The following ALG9 variants were observed in gnomAD, a reference collection of about 807,000 sequenced individuals.
The protein encoded by ALG9 is ALG9 alpha-1,2-mannosyltransferase, also known as alpha-1,2-mannosyltransferase ALG9.
ALG9 carries 55 observed loss-of-function variants against 81.8 expected under a neutral mutation model. The ratio of observed to expected loss-of-function variants is 0.67; its 90% CI spans 0.54 to 0.84. ALG9 has a LOEUF of 0.84. Ranked by LOEUF, ALG9 falls within the 40% of genes least tolerant of loss-of-function variation. The pLI, the probability that ALG9 is intolerant of heterozygous loss-of-function variation, is 0.00. For synonymous variants in ALG9, 278 were observed against 274.3 expected, an observed-to-expected ratio of 1.01 and a Z score of -0.13; for missense variants, 629 against 745.0, an observed-to-expected ratio of 0.84 and a Z score of 1.81.
intron 14 of ALG9, among the ~76,000 whole-genome samples, chr11:111,797,196 C>A (rs979124471): frequency 2.6e-5 from 4 of 152,244 alleles, no homozygotes; most frequent in Non-Finnish European, 5.9e-5. Context: ...AGCTATTCAA[C>A]TGGCTTGCTG....
chr11:111,838,189 A>T (rs1482868816), intron 11 of ALG9, 60 bp downstream of exon 11: 5 of 1,596,740 alleles, frequency 3.1e-6, no homozygotes, highest in Non-Finnish European at 4.3e-6. Context: ...TCATGAATCA[A>T]GTAAAACCTA....
chr11:111,849,205 C>T (rs372518381), intron 8 of ALG9, among the ~76,000 whole-genome samples: 8 of 152,208 alleles, frequency 5.3e-5, no homozygotes, highest in African/African-American at 1.9e-4. Context: ...CATGCACCAC[C>T]ACGCCCAGCT....
At chr11:111,808,887 G>C (rs899206289) in intron 14 of ALG9, among the ~76,000 whole-genome samples, 6 of 152,130 alleles carry the variant, frequency 3.9e-5, no homozygotes, top group African/African-American at 1.4e-4. Context: ...TTAATTCTGA[G>C]ACCTTTCTGA....
chr11:111,845,949 A>G (rs142187686), intron 8 of ALG9, among the ~76,000 whole-genome samples: 7 of 152,330 alleles, frequency 4.6e-5, no homozygotes, highest in African/African-American at 9.6e-5. Flanking sequence ...CTTTGGGGGA[A>G]GCTCACTCCT....
rs782410562 is a variant in ALG9 at position 111,857,603 on chromosome 11, C to T, written c.700G>A (p.Gly234Ser). The T allele has an allele frequency of 1.2e-6, 2 of 1,614,066 alleles. No individual in the cohort carries two copies. The highest frequency in any genetic ancestry group is 4.5e-5 in the East Asian group (2 of 44,876). The part of the protein sequence containing the change: ...ILGWPFSAAL[G>S]LPIAFDLLVM... The stretch of plus-strand genomic sequence containing the variant: ...GGAGGAGAACTGTTAGTTTCTTACC[C>T]AAGAGCTGCACTGAATGGCCAGCCT... The change falls in exon 6 of 15, where the codon GGT (glycine) becomes AGT (serine). Residue 234 changes from glycine (G) to serine (S), a missense_variant and splice_region_variant. Gly to Ser is a moderately conservative substitution (Grantham distance 56). Around this residue, in one of 3 missense-constraint regions of ALG9, gnomAD observed 344 missense variants for 390.5 expected, o/e 0.88. Transcript: ENST00000616540.
chr11:111,870,599 G>A (rs1172324916), intron 1 of ALG9, among the ~76,000 whole-genome samples: 1 of 152,060 alleles, frequency 6.6e-6, no homozygotes, highest in Non-Finnish European at 1.5e-5. Context: ...ATGTTGCCCA[G>A]GCTGGACTTA....
At chr11:111,775,875 G>C in the ALG9 span, among the ~76,000 whole-genome samples, 4 of 152,184 alleles carry the variant, frequency 2.6e-5, no homozygotes, top group Non-Finnish European at 4.4e-5. Context: ...GGTTAAAAGA[G>C]CGGCTCAGGC....
chr11:111,780,946 T>C (rs1945899487), downstream of ALG9, among the ~76,000 whole-genome samples: 1 of 152,158 alleles, frequency 6.6e-6, no homozygotes, highest in African/African-American at 2.4e-5. Flanking sequence ...ATGCCATTAT[T>C]AAGGACACTG....
At chr11:111,777,130 GCTGCTTCCTC>G in the ALG9 span, among the ~76,000 whole-genome samples, 5,428 of 152,196 alleles carry the variant, frequency 0.036, 300 homozygotes, top group African/African-American at 0.12. Context: ...ACTAAGAGTA[GCTGCTTCCTC>G]CTCCCAACTA....
At position 111,853,595 on chromosome 11, in the gene ALG9, C is replaced by G; in HGVS notation, c.789+54G>C. 5 of 1,582,402 alleles carry G rather than the reference C, an allele frequency of 3.2e-6. No homozygotes were observed. The South Asian group carries it at 5.5e-5, about 18-fold the overall frequency. On this transcript the variant is annotated intron_variant, in intron 7 of 14. Coordinates refer to ENST00000616540, the MANE Select transcript of ALG9 (RefSeq NM_024740.2). The stretch of plus-strand genomic sequence containing the variant: ...ACTCCTGATGTTCCTTTTTTCACAT[C>G]AAAGTTGCTTTCATTACAACTTTAG...
At chr11:111,870,780 G>A (rs1555157855) in intron 1 of ALG9, 1 of 1,008,078 alleles carries the variant, frequency 9.9e-7, no homozygotes, top group Non-Finnish European at 1.2e-6. Context: ...CTCACTTGAA[G>A]GCCACAAAGC....
At chr11:111,839,356 C>T (rs12293964) in intron 10 of ALG9, among the ~76,000 whole-genome samples, 4,087 of 151,972 alleles carry the variant, frequency 0.027, 186 homozygotes, top group African/African-American at 0.094. Context: ...GAGGCCGAGA[C>T]GGGAGGATCA....
chr11:111,826,398 A>T (rs1164345554), intron 13 of ALG9, among the ~76,000 whole-genome samples: 1 of 151,816 alleles, frequency 6.6e-6, no homozygotes, highest in South Asian at 2.1e-4. Flanking sequence ...GTTTAAAAAA[A>T]AAAAACAAAA....
intron 13 of ALG9, among the ~76,000 whole-genome samples, chr11:111,832,508 ATCC>A (rs1954554006): frequency 6.6e-6 from 1 of 152,102 alleles, no homozygotes; most frequent in Non-Finnish European, 1.5e-5. Context: ...GCCTCAAGCT[ATCC>A]TCCTGCCTCA....
rs7942565 is a variant in ALG9, at chr11:111,836,731, T to C, written c.1473-437A>G. 1,067 of 190,682 alleles carry C rather than the reference T, an allele frequency of 5.6e-3. 11 individuals are homozygous for C. The highest frequency in any genetic ancestry group is 0.023 in the African/African-American group (984 of 42,100). 11.8% of individuals were successfully genotyped at this position (190,682 alleles called of 1,614,324 possible). A position where few individuals can be genotyped will look rare whatever the true frequency, so the allele number is the denominator to read the frequency against. On this transcript the variant is annotated intron_variant, in intron 12 of 14. Transcript: ENST00000616540. ...TAACCCTCAAACATATCTTTATCTATAAAACTATTTCAAACGTAAAAGGCA... is the reference window on the plus strand; with the variant it reads ...TAACCCTCAAACATATCTTTATCTACAAAACTATTTCAAACGTAAAAGGCA...
intron 5 of ALG9, among the ~76,000 whole-genome samples, chr11:111,858,529 C>T (rs1199593290): frequency 6.6e-6 from 1 of 152,204 alleles, no homozygotes; most frequent in Non-Finnish European, 1.5e-5. Context: ...GGCAGCAATG[C>T]TTTGCACTCT....
Position 111,786,333 on chromosome 11 carries a change from G to A in ALG9, c.*64C>T, listed in dbSNP as rs782202635. 54 of 1,607,240 alleles carry A rather than the reference G, an allele frequency of 3.4e-5. No individual in the cohort carries two copies. Among genetic ancestry groups the A allele is most frequent in the Non-Finnish European group, 4.5e-5 (53 of 1,175,558 alleles). Reference sequence around the variant, plus strand: ...AAATGTTACAGGCGATGACTTGCAGGGAGTCAGGTCACTGGAATCAATAGT... The same window carrying A: ...AAATGTTACAGGCGATGACTTGCAGAGAGTCAGGTCACTGGAATCAATAGT... On this transcript the variant is annotated 3_prime_UTR_variant, in exon 15 of 15. Transcript: ENST00000616540.
intron 14 of ALG9, among the ~76,000 whole-genome samples, chr11:111,791,227 G>T (rs1947354558): frequency 6.6e-6 from 1 of 152,170 alleles, no homozygotes; most frequent in African/African-American, 2.4e-5. Context: ...TTCTCAAAGG[G>T]CTAATAAGCT....
intron 8 of ALG9, among the ~76,000 whole-genome samples, chr11:111,846,141 A>T (rs1174700729): frequency 6.6e-6 from 1 of 152,194 alleles, no homozygotes; most frequent in African/African-American, 2.4e-5. Context: ...GAATTTAACA[A>T]CATTATTTTT....
Sources: gnomAD v4.1 joint callset for allele counts (sites outside exome capture counted in the v4.1 genomes callset) on GRCh38, gnomAD v4.1.1 for gene constraint, gnomAD v4.1.1 regional missense constraint, MANE v1.5 for transcripts, NCBI Gene and HGNC (gene_info 2026-07-23, HGNC 2026-07-21) for gene names.